Variants in GPATCH1 observed in about 807,000 individuals in gnomAD.
GPATCH1 encodes the protein G patch domain-containing protein 1.
A neutral mutation model predicts 114.9 loss-of-function variants in GPATCH1; 73 were observed. The ratio of observed to expected loss-of-function variants is 0.64; its 90% CI spans 0.53 to 0.77. GPATCH1 has a LOEUF of 0.77. Ranked by LOEUF, GPATCH1 falls within the 30% of genes least tolerant of loss-of-function variation. The pLI is 0.00. For missense variants in GPATCH1, 1,058 were observed against 1,144.3 expected (o/e 0.92, Z 1.09); for synonymous variants, 391 against 428.4 (o/e 0.91, Z 1.08).
At position 33,114,299 on chromosome 19, in the gene GPATCH1, A is replaced by G. The variant is rs1402720049; in HGVS notation, c.2076A>G (p.Lys692=). Residue 692 remains lysine (K), a synonymous_variant, in exon 15 of 20, where the codon AAA becomes AAG. Transcript: ENST00000170564. ...SRWDTSKHEK[K]EDSISEFLSL... ...GGGATACCTCTAAACACGAAAAGAA[A>G]GAAGATTCCATTAGTGAATTTTTAA... 11 of 1,613,534 alleles carry G rather than the reference A, an allele frequency of 6.8e-6. No individual in the cohort carries two copies. The highest frequency in any genetic ancestry group is 8.5e-6 in the Non-Finnish European group (10 of 1,179,704).
chr19:33,112,880 C>A, intron 13 of GPATCH1: 1 of 297,766 alleles, frequency 3.4e-6, no homozygotes, highest in Non-Finnish European at 6.2e-6. Context: ...TTATGCCTCT[C>A]TCATTTGCCA....
chr19:33,113,674 A>G (rs1208592152), intron 13 of GPATCH1, 93 bp from the exon 14 acceptor site: 1 of 1,065,874 alleles, frequency 9.4e-7, no homozygotes. Flanking sequence ...TTAGTCATGC[A>G]GAAGAGGTGG....
intron 9 of GPATCH1, among the ~76,000 whole-genome samples, chr19:33,104,870 AAC>A (rs1438720142): frequency 6.6e-6 from 1 of 152,186 alleles, no homozygotes; most frequent in Non-Finnish European, 1.5e-5. Flanking sequence ...TAGCTTAAAT[AAC>A]AAACACGTGT....
In GPATCH1 at chr19:33,112,588, T is replaced by C. The variant is rs770794874; in HGVS notation, c.1867T>C (p.Phe623Leu). Residue 623 changes from phenylalanine to leucine, a missense_variant, in exon 13 of 20, where the codon TTT becomes CTT. Transcript: ENST00000170564. Reference sequence around the variant, plus strand: ...CCCTGACAAGCTTCTATGTAAGAGATTTAATGTCCCTGACCCTTATCCAGA... The same window carrying C: ...CCCTGACAAGCTTCTATGTAAGAGACTTAATGTCCCTGACCCTTATCCAGA... Reference protein sequence around the residue: ...WHPDKLLCKRFNVPDPYPDST... With the variant: ...WHPDKLLCKRLNVPDPYPDST... The C allele has an allele frequency of 6.2e-7, 1 of 1,613,956 alleles. No homozygotes were observed. Among genetic ancestry groups the C allele is most frequent in the Admixed American group, 1.7e-5 (1 of 60,002 alleles).
intron 11 of GPATCH1, 142 bp downstream of exon 11, chr19:33,110,158 G>GC: frequency 1.4e-6 from 1 of 695,420 alleles, no homozygotes; most frequent in Non-Finnish European, 2.3e-6. Flanking sequence ...TAGTGCAAAG[G>GC]TTTCAGGCCT....
intron 16 of GPATCH1, 104 bp from the exon 17 acceptor site, chr19:33,118,906 G>A (rs1379850081): frequency 1.6e-6 from 1 of 644,064 alleles, no homozygotes; most frequent in Non-Finnish European, 2.7e-6. Flanking sequence ...GAGTGAAGTG[G>A]TGTGGGCAAG....
chr19:33,101,681 T>C, intron 9 of GPATCH1, 107 bp downstream of exon 9: 1 of 646,634 alleles, frequency 1.5e-6, no homozygotes, highest in Admixed American at 2.8e-5. Flanking sequence ...GTAAATTCTG[T>C]TTTCAAAAAA....
At position 33,101,533 on chromosome 19, in the gene GPATCH1, G is replaced by A; in HGVS notation, c.1039G>A (p.Asp347Asn). ...CCTTCGGTACGTTGGCAAAATTTTGGATGGATTTTCCTTGGCTTCTAAACC... is the reference window on the plus strand; with the variant it reads ...CCTTCGGTACGTTGGCAAAATTTTGAATGGATTTTCCTTGGCTTCTAAACC... ...KDLRYVGKIL[D>N]GFSLASKPLS... is the part of the protein sequence containing the mutation. Residue 347 changes from aspartate (D) to asparagine (N), a missense_variant, in exon 9 of 20, where the codon GAT (aspartate) becomes AAT (asparagine). Asp to Asn is a conservative substitution (Grantham distance 23, BLOSUM62 1). This residue lies in a region of GPATCH1 where 893 missense variants were observed against 977.4 expected (regional missense o/e 0.91). Coordinates refer to ENST00000170564, the MANE Select transcript of GPATCH1 (RefSeq NM_018025.3). 6.2e-7 allele frequency: 1 copy of A among 1,605,172 alleles called. No homozygotes were observed. The highest frequency in any genetic ancestry group is 8.5e-7 in the Non-Finnish European group (1 of 1,172,102).
intron 15 of GPATCH1, among the ~76,000 whole-genome samples, chr19:33,114,713 A>G (rs973316543): frequency 1.3e-5 from 2 of 152,144 alleles, no homozygotes; most frequent in African/African-American, 4.8e-5. Context: ...GAAGCTGTCA[A>G]ACTGTATTCC....
intron 19 of GPATCH1, among the ~76,000 whole-genome samples, chr19:33,128,732 G>GTC (rs1203369642): frequency 1.3e-5 from 2 of 152,210 alleles, no homozygotes; most frequent in Non-Finnish European, 2.9e-5. Context: ...TTCTTTGAGT[G>GTC]TCTGGCTTCT....
At chr19:33,097,477 G>A (rs972836794) in intron 7 of GPATCH1, among the ~76,000 whole-genome samples, 1 of 152,122 alleles carries the variant, frequency 6.6e-6, no homozygotes, top group African/African-American at 2.4e-5. Flanking sequence ...GCTTGGCTTT[G>A]TTCTCCACTC....
At position 33,109,831 on chromosome 19, in the gene GPATCH1, A is replaced by G. The variant is rs1258129951; in HGVS notation, c.1400A>G (p.Gln467Arg). ...CAGCTCAAGGCCAGGAGTCTGGCCC[A>G]GAACGCTCAGAGCAGCAGAGCCCAG... ...AAQLKARSLA[Q>R]NAQSSRAQLS... The change falls in exon 11 of 20, where the codon CAG becomes CGG. Residue 467 changes from glutamine (Q) to arginine (R), a missense_variant. By Grantham distance (43) the Gln-to-Arg change is conservative. Coordinates refer to ENST00000170564, the MANE Select transcript of GPATCH1 (RefSeq NM_018025.3). 6.2e-7 allele frequency: 1 copy of G among 1,614,072 alleles called. No homozygotes were observed. The highest frequency in any genetic ancestry group is 1.7e-5 in the Admixed American group (1 of 60,014).
At chr19:33,118,354 T>G (rs1206698549) in intron 16 of GPATCH1, among the ~76,000 whole-genome samples, 1 of 151,716 alleles carries the variant, frequency 6.6e-6, no homozygotes, top group Non-Finnish European at 1.5e-5. Flanking sequence ...AATTTTTGTA[T>G]TTTTAGTAGA....
intron 17 of GPATCH1, among the ~76,000 whole-genome samples, chr19:33,120,515 C>T (rs949682005): frequency 7.0e-6 from 1 of 143,492 alleles, no homozygotes; most frequent in African/African-American, 2.6e-5. Flanking sequence ...CGCCACTGCA[C>T]TCCAGTCTGG....
chr19:33,127,525 A>G (rs545810832), intron 19 of GPATCH1, among the ~76,000 whole-genome samples: 28 of 151,864 alleles, frequency 1.8e-4, no homozygotes, highest in Non-Finnish European at 3.7e-4. Flanking sequence ...TCAATAAAAA[A>G]AAAAAAAAAA....
rs768707692 is a variant in GPATCH1 at position 33,106,780 on chromosome 19, A to G, written c.1166A>G (p.His389Arg). 3.7e-6 allele frequency: 6 copies of G among 1,613,932 alleles called. No individual in the cohort carries two copies. Among genetic ancestry groups the G allele is most frequent in the Non-Finnish European group, 5.1e-6 (6 of 1,179,922 alleles). The change falls in exon 10 of 20, where the codon CAC becomes CGC. Residue 389 changes from histidine (H) to arginine (R), a missense_variant. His to Arg is a conservative substitution (Grantham distance 29). Transcript: ENST00000170564. ...GTGGCCGCCACCTCCGAGAACTCAC[A>G]CTTACTGCAGGTATTATCAGAGTCA... Reference protein sequence around the residue: ...PMVAATSENSHLLQVLSESAG... With the variant: ...PMVAATSENSRLLQVLSESAG...
chr19:33,119,169 T>C, intron 17 of GPATCH1, 52 bp downstream of exon 17: 1 of 962,186 alleles, frequency 1.0e-6, no homozygotes, highest in Non-Finnish European at 1.6e-6. Context: ...GTGATTGCCC[T>C]GAGATGGGGA....
At chr19:33,126,766 A>C in intron 19 of GPATCH1, 33 bp downstream of exon 19, 1 of 1,540,586 alleles carries the variant, frequency 6.5e-7, no homozygotes, top group Non-Finnish European at 8.9e-7. Context: ...TTTTTCAGAA[A>C]CCTTTAGAGG....
chr19:33,108,316 G>C (rs1362262150), intron 10 of GPATCH1, among the ~76,000 whole-genome samples: 1 of 152,062 alleles, frequency 6.6e-6, no homozygotes. Context: ...TCCCCACGAG[G>C]CCCTGTGCGG....
Sources: gnomAD v4.1 joint callset for allele counts (sites outside exome capture counted in the v4.1 genomes callset) on GRCh38, gnomAD v4.1.1 for gene constraint, gnomAD v4.1.1 regional missense constraint, MANE v1.5 for transcripts, NCBI Gene and HGNC (gene_info 2026-07-23, HGNC 2026-07-21) for gene names.